CERKL: variants seen among roughly 807,000 people sequenced by gnomAD.
The protein encoded by CERKL is ceramide kinase-like protein.
Under a neutral mutation model 63.4 loss-of-function variants are expected in CERKL, and 61 were observed. The ratio of observed to expected loss-of-function variants is 0.96; its 90% CI spans 0.78 to 1.19. The LOEUF (loss-of-function observed/expected upper bound fraction) is 1.19, where lower values mean the gene tolerates loss of function less well. Ranked by LOEUF, CERKL falls within the 50% of genes most tolerant of loss-of-function variation. The probability of loss-of-function intolerance (pLI) is 0.00; values close to 1 mark genes in which losing one functional copy is unlikely to be tolerated. For synonymous variants in CERKL, 250 were observed against 230.5 expected, an observed-to-expected ratio of 1.08 and a Z score of -0.77; for missense variants, 675 against 655.5, an observed-to-expected ratio of 1.03 and a Z score of -0.33.
chr2:181,616,374 C>T lies in CERKL; in HGVS notation c.239-12295G>A, dbSNP rs112897827. 3.3e-3 allele frequency among the ~76,000 whole-genome samples: 509 copies of T among 151,966 alleles called. 3 individuals carry two copies. The highest frequency in any genetic ancestry group is 0.011 in the African/African-American group (452 of 41,438). On this transcript the variant is annotated intron_variant, in intron 1 of 12. Transcript: ENST00000410087. Reference sequence around the variant, plus strand: ...GACCACAGGCGCTCGCCACCATGCCCGGCTAATTTTTGTATTTTTAGTAGA... The same window carrying T: ...GACCACAGGCGCTCGCCACCATGCCTGGCTAATTTTTGTATTTTTAGTAGA...
At position 181,603,941 on chromosome 2, in the gene CERKL, A is replaced by G; in HGVS notation, c.377T>C (p.Leu126Ser). The change falls in exon 2 of 13, where the codon TTG (leucine) becomes TCG (serine). Residue 126 changes from leucine to serine, a missense_variant. Physicochemically the swap from Leu to Ser is moderately radical, Grantham distance 145. Coordinates refer to ENST00000410087, the MANE Select transcript of CERKL (RefSeq NM_201548.5). ...TLLGITLFIC[L>S]KKEQNKLKNS... ...CTTTAGTTTATTTTGTTCCTTTTTC[A>G]AGCAGATGAAGAGTGTGATACCTAA... 1 of 1,613,260 alleles carries G rather than the reference A, an allele frequency of 6.2e-7. No individual in the cohort carries two copies. Among genetic ancestry groups the G allele is most frequent in the East Asian group, 2.2e-5 (1 of 44,716 alleles).
At position 181,548,724 on chromosome 2, in the gene CERKL, G is replaced by GT; in HGVS notation, c.1028dup (p.Asn343LysfsTer10). 6.2e-7 allele frequency: 1 copy of GT among 1,614,036 alleles called. No homozygotes were observed. Among genetic ancestry groups the GT allele is most frequent in the Non-Finnish European group, 8.5e-7 (1 of 1,179,940 alleles). The stretch of plus-strand genomic sequence containing the variant: ...TAACAACAGCAAAATCTCTCCGTTG[G>GT]TTAGGGGACATCCATCGATATTTTT... On this transcript the variant is annotated frameshift_variant, in exon 7 of 13. Transcript: ENST00000410087. LOFTEE classifies it high-confidence loss of function.
At chr2:181,631,538 A>C (rs116197637) in intron 1 of CERKL, among the ~76,000 whole-genome samples, 1 of 149,840 alleles carries the variant, frequency 6.7e-6, no homozygotes, top group Non-Finnish European at 1.5e-5. Context: ...TGCTTTTTGC[A>C]CCTTACACCC....
At chr2:181,627,682 G>T (rs532341991) in intron 1 of CERKL, among the ~76,000 whole-genome samples, 1 of 152,206 alleles carries the variant, frequency 6.6e-6, no homozygotes, top group African/African-American at 2.4e-5. Flanking sequence ...TCATCTTGTG[G>T]TTTTCCTCTG....
At chr2:181,627,861 TC>T (rs1686780398) in intron 1 of CERKL, among the ~76,000 whole-genome samples, 1 of 152,224 alleles carries the variant, frequency 6.6e-6, no homozygotes, top group Non-Finnish European at 1.5e-5. Context: ...TTAGTCACCA[TC>T]TTTTCTTAAC....
intron 2 of CERKL, among the ~76,000 whole-genome samples, chr2:181,580,062 T>C (rs1684433066): frequency 6.6e-6 from 1 of 151,988 alleles, no homozygotes; most frequent in Admixed American, 6.5e-5. Flanking sequence ...TTTTTACATA[T>C]GATCTTTGAA....
intron 2 of CERKL, among the ~76,000 whole-genome samples, chr2:181,583,935 A>C (rs969648890): frequency 6.6e-6 from 1 of 152,230 alleles, no homozygotes; most frequent in Non-Finnish European, 1.5e-5. Flanking sequence ...AGCAATTATC[A>C]TTCATTGATT....
chr2:181,635,213 G>GA (rs1687121471), intron 1 of CERKL, among the ~76,000 whole-genome samples: 1 of 152,082 alleles, frequency 6.6e-6, no homozygotes, highest in Non-Finnish European at 1.5e-5. Context: ...TCCAGAGTAG[G>GA]TTTGATCCCA....
chr2:181,565,942 A>G lies in CERKL; in HGVS notation c.677+116T>C, dbSNP rs927462207. 7 of 713,898 alleles carry G rather than the reference A, an allele frequency of 9.8e-6. No homozygotes were observed. In the Admixed American group the frequency reaches 1.4e-4, roughly 14 times the overall value. The allele number at this position is 713,898 out of a possible 1,614,324, so 44.2% of individuals were successfully genotyped here. On this transcript the variant is annotated intron_variant, in intron 4 of 12. Coordinates refer to ENST00000410087, the MANE Select transcript of CERKL (RefSeq NM_201548.5). ...ACATAGATATGAACAAGATAGAGCC[A>G]AAGTACATACACTACAAATATTTTT...
At position 181,539,253 on chromosome 2, in the gene CERKL, T is replaced by A; in HGVS notation, c.1377A>T (p.Pro459=). The A allele has an allele frequency of 6.3e-7, 1 of 1,588,272 alleles. No homozygotes were observed. The highest frequency in any genetic ancestry group is 8.6e-7 in the Non-Finnish European group (1 of 1,156,964). Residue 459 remains proline, a synonymous_variant, in exon 12 of 13, where the codon CCA becomes CCT. Transcript: ENST00000410087. Reference sequence around the variant, plus strand: ...CCTCAACAGTGTAAGTCTCAACAAATGGAAAATTGAACTAAAAATAAATAC... The same window carrying A: ...CCTCAACAGTGTAAGTCTCAACAAAAGGAAAATTGAACTAAAAATAAATAC... The part of the protein sequence containing the change: ...YASVKNQFNF[P]FVETYTVEEV...
chr2:181,572,733 A>G, intron 3 of CERKL, among the ~76,000 whole-genome samples: 1 of 149,182 alleles, frequency 6.7e-6, no homozygotes, highest in Admixed American at 6.7e-5. Context: ...TCGAACCTCT[A>G]TAGTTATAGG....
intron 2 of CERKL, among the ~76,000 whole-genome samples, chr2:181,575,387 G>C (rs186992310): frequency 6.6e-6 from 1 of 152,310 alleles, no homozygotes; most frequent in East Asian, 1.9e-4. Context: ...GCTAAGTACT[G>C]GGAAGAAGGG....
intron 1 of CERKL, among the ~76,000 whole-genome samples, chr2:181,628,566 T>C (rs995300306): frequency 3.9e-5 from 6 of 152,160 alleles, no homozygotes; most frequent in Admixed American, 1.3e-4. Context: ...AATACACATA[T>C]TAGGATTTGG....
intron 1 of CERKL, among the ~76,000 whole-genome samples, chr2:181,617,950 T>C (rs1184139020): frequency 6.6e-6 from 1 of 152,326 alleles, no homozygotes; most frequent in African/African-American, 2.4e-5. Flanking sequence ...AAGCAACATA[T>C]TCACAACAGA....
chr2:181,604,939 C>T (rs942898407), intron 1 of CERKL, among the ~76,000 whole-genome samples: 5 of 152,164 alleles, frequency 3.3e-5, no homozygotes, highest in African/African-American at 4.8e-5. Context: ...GTGGAAAAGA[C>T]CATTTCAATT....
intron 1 of CERKL, among the ~76,000 whole-genome samples, chr2:181,643,387 T>C (rs1687530907): frequency 6.6e-6 from 1 of 152,206 alleles, no homozygotes; most frequent in Non-Finnish European, 1.5e-5. Flanking sequence ...CTGAAATCTT[T>C]CCTACACCAC....
chr2:181,548,349 A>T lies in CERKL; in HGVS notation c.1133+196T>A, dbSNP rs1687827217. ...AGAGACAGGGGGAAGGAAGGGAGGA[A>T]AGAAGGAAGGAAAAAGAGAAAAAGG... On this transcript the variant is annotated intron_variant, in intron 8 of 12. Coordinates refer to ENST00000410087, the MANE Select transcript of CERKL (RefSeq NM_201548.5). 1.4e-5 allele frequency: 8 copies of T among 591,618 alleles called. No homozygotes were observed. In the South Asian group the frequency reaches 1.5e-4, roughly 11 times the overall value. The allele number at this position is 591,618 out of a possible 1,614,324, so 36.6% of individuals were successfully genotyped here.
intron 11 of CERKL, among the ~76,000 whole-genome samples, chr2:181,542,217 A>G (rs2105792764): frequency 6.6e-6 from 1 of 152,306 alleles, no homozygotes; most frequent in Non-Finnish European, 1.5e-5. Flanking sequence ...GGTAGTGTTC[A>G]GCCTCTATCT....
At chr2:181,589,079 G>A (rs1264617791) in intron 2 of CERKL, among the ~76,000 whole-genome samples, 1 of 151,916 alleles carries the variant, frequency 6.6e-6, no homozygotes, top group Non-Finnish European at 1.5e-5. Context: ...AGAGCTTTTG[G>A]GTTTGATGTA....
Sources: gnomAD v4.1 joint callset for allele counts (sites outside exome capture counted in the v4.1 genomes callset) on GRCh38, gnomAD v4.1.1 for gene constraint, MANE v1.5 for transcripts, NCBI Gene and HGNC (gene_info 2026-07-23, HGNC 2026-07-21) for gene names.